The following NCOR2 variants were observed in gnomAD, a reference collection of about 807,000 sequenced individuals.
NCOR2 encodes CTG repeat protein 26.
Under a neutral mutation model 262.9 loss-of-function variants are expected in NCOR2, and 81 were observed. That is an observed-to-expected ratio of 0.31 (90% confidence interval 0.26 to 0.37). NCOR2 has a LOEUF of 0.37. NCOR2 is among the 10% of genes least tolerant of loss of function. The probability of loss-of-function intolerance (pLI) is 1.00; values close to 1 mark genes in which losing one functional copy is unlikely to be tolerated. For synonymous variants in NCOR2, 1,659 were observed against 1,559.3 expected (o/e 1.06, Z -1.51); for missense variants, 3,385 against 3,621.4 (o/e 0.93, Z 1.68).
intron 10 of NCOR2, among the ~76,000 whole-genome samples, chr12:124,427,727 T>G (rs1273026582): frequency 1.3e-5 from 2 of 152,140 alleles, no homozygotes; most frequent in Non-Finnish European, 2.9e-5. Flanking sequence ...ACGGCGACCT[T>G]CCTCGGGTAT....
At chr12:124,328,379 C>T (rs537684580) in intron 44 of NCOR2, among the ~76,000 whole-genome samples, 4 of 152,318 alleles carry the variant, frequency 2.6e-5, no homozygotes, top group Non-Finnish European at 4.4e-5. Flanking sequence ...GACACAATCA[C>T]GGGACCAGCC....
chr12:124,413,429 C>T (rs989481070), intron 13 of NCOR2, among the ~76,000 whole-genome samples: 6 of 152,274 alleles, frequency 3.9e-5, no homozygotes, highest in South Asian at 2.1e-4. Context: ...TAAATGCCCC[C>T]GGATGAACAT....
In NCOR2 at chr12:124,385,184, T is replaced by G. The variant is rs116962897; in HGVS notation, c.2019+561A>C. Among the ~76,000 whole-genome samples the G allele has an allele frequency of 4.2e-3, 644 of 152,268 alleles. 21 individuals carry two copies. In the East Asian group the frequency reaches 0.08, roughly 19 times the overall value. On this transcript the variant is annotated intron_variant, in intron 17 of 46. Transcript: ENST00000405201. ...CACGCTGGCGAGGCGAGCCTGCACCTTCTGTGCTTGTGGAGGAGGGAAGGG... is the reference window on the plus strand; with the variant it reads ...CACGCTGGCGAGGCGAGCCTGCACCGTCTGTGCTTGTGGAGGAGGGAAGGG...
At chr12:124,494,200 C>T (rs1477653726) in intron 1 of NCOR2, among the ~76,000 whole-genome samples, 1 of 151,856 alleles carries the variant, frequency 6.6e-6, no homozygotes, top group African/African-American at 2.4e-5. Flanking sequence ...AAGAGGGGAC[C>T]ACACCAGCCA....
chr12:124,448,028 G>T (rs551155763), intron 7 of NCOR2, among the ~76,000 whole-genome samples: 44 of 152,300 alleles, frequency 2.9e-4, no homozygotes, highest in Non-Finnish European at 4.6e-4. Flanking sequence ...ACTCATTCTG[G>T]TTCTGTCTCC....
intron 11 of NCOR2, 102 bp downstream of exon 13, chr12:124,426,506 GCGGTTTTAAGCACC>G: frequency 1.0e-6 from 1 of 1,001,760 alleles, no homozygotes; most frequent in Non-Finnish European, 1.4e-6. Context: ...GTAAATCCCT[GCGGTTTTAAGCACC>G]CCCCGGCATG....
At position 124,430,888 on chromosome 12, in the gene NCOR2, G is replaced by A. The variant is rs902140930; in HGVS notation, c.883-101C>T. ...TGCAGGCAGACACACAGGTGCGTGC[G>A]CACACACACAAAGTCACACAGGCAC... On this transcript the variant is annotated intron_variant, in intron 8 of 46. Transcript: ENST00000405201. 43 of 1,387,790 alleles carry A rather than the reference G, an allele frequency of 3.1e-5. 1 individual carries two copies. Among genetic ancestry groups the A allele is most frequent in the South Asian group, 1.2e-4 (9 of 72,780 alleles). The allele number at this position is 1,387,790 out of a possible 1,614,324, so 86.0% of individuals were successfully genotyped here.
intron 3 of NCOR2, among the ~76,000 whole-genome samples, chr12:124,476,545 A>C (rs1370007768): frequency 6.6e-6 from 1 of 152,212 alleles, no homozygotes; most frequent in East Asian, 1.9e-4. Context: ...TAATTCTCCA[A>C]AGCAACATTA....
At chr12:124,474,187 C>A (rs2046973760) in intron 3 of NCOR2, among the ~76,000 whole-genome samples, 1 of 152,234 alleles carries the variant, frequency 6.6e-6, no homozygotes, top group African/African-American at 2.4e-5. Flanking sequence ...ATCCATGAAG[C>A]TCAGTCCAAA....
At chr12:124,335,809 G>A (rs2035828914) in intron 38 of NCOR2, 177 bp from the exon 41 acceptor site, 1 of 642,080 alleles carries the variant, frequency 1.6e-6, no homozygotes, top group East Asian at 2.7e-5. Context: ...GGAGAGACAG[G>A]GAGGCCAAGG....
At chr12:124,365,017 G>A (rs943636683) in intron 20 of NCOR2, among the ~76,000 whole-genome samples, 30 of 150,756 alleles carry the variant, frequency 2.0e-4, no homozygotes, top group African/African-American at 6.9e-4. Context: ...CTATGTTTGG[G>A]GGTATGGAGG....
At chr12:124,371,914 T>C in intron 20 of NCOR2, 108 bp downstream of exon 22, 1 of 1,150,452 alleles carries the variant, frequency 8.7e-7, no homozygotes, top group Non-Finnish European at 1.2e-6. Context: ...CACCTCGGGC[T>C]CCCCCAAAGC....
intron 1 of NCOR2, among the ~76,000 whole-genome samples, chr12:124,520,174 G>A (rs1238033044): frequency 2.6e-5 from 4 of 152,182 alleles, no homozygotes; most frequent in East Asian, 1.9e-4. Flanking sequence ...GGGGGTTTCC[G>A]TAGACCTGCC....
Position 124,402,653 on chromosome 12 carries a change from GGGA to G in NCOR2, c.1483-95_1483-93del. 4 of 1,530,422 alleles carry G rather than the reference GGGA, an allele frequency of 2.6e-6. No individual in the cohort carries two copies. In the African/African-American group the frequency reaches 4.1e-5, roughly 16 times the overall value. The allele number at this position is 1,530,422 out of a possible 1,614,324, so 94.8% of individuals were successfully genotyped here. A position where few individuals can be genotyped will look rare whatever the true frequency, so the allele number is the denominator to read the frequency against. On this transcript the variant is annotated intron_variant, in intron 13 of 46. Coordinates refer to ENST00000405201, the Ensembl canonical transcript of NCOR2. ...TGCACCTGGGCTCAGCCTGAGCTGGGGGAGGAGGAGGAAAACCCGTGGAGTCCA... is the reference window on the plus strand; with the variant it reads ...TGCACCTGGGCTCAGCCTGAGCTGGGGGAGGAGGAAAACCCGTGGAGTCCA...
Position 124,398,041 on chromosome 12 carries a change from A to G in NCOR2, c.1876+78T>C, listed in dbSNP as rs571765991. 2.4e-3 allele frequency: 3,792 copies of G among 1,559,090 alleles called. 8 individuals carry two copies. Among genetic ancestry groups the G allele is most frequent in the Non-Finnish European group, 3.1e-3 (3,456 of 1,130,468 alleles). On this transcript the variant is annotated intron_variant, in intron 16 of 46. Coordinates refer to ENST00000405201, the Ensembl canonical transcript of NCOR2. ...CCCCTGGCTCAAGGCCAAATGTGTCAACACCCTCCCCAGCACGTGAGCTTC... is the reference window on the plus strand; with the variant it reads ...CCCCTGGCTCAAGGCCAAATGTGTCGACACCCTCCCCAGCACGTGAGCTTC...
intron 16 of NCOR2, among the ~76,000 whole-genome samples, chr12:124,393,934 C>T (rs569617942): frequency 2.0e-5 from 3 of 152,392 alleles, no homozygotes; most frequent in South Asian, 4.1e-4. Context: ...GCCCCTTCCT[C>T]GGGGTAGCCC....
chr12:124,518,997 C>T (rs1279556736), intron 1 of NCOR2, among the ~76,000 whole-genome samples: 2 of 151,922 alleles, frequency 1.3e-5, no homozygotes, highest in African/African-American at 2.4e-5. Flanking sequence ...TCCTTTTAAT[C>T]CTAGGAAAAG....
At chr12:124,396,981 AC>A (rs1437893175) in intron 16 of NCOR2, among the ~76,000 whole-genome samples, 1 of 152,190 alleles carries the variant, frequency 6.6e-6, no homozygotes, top group African/African-American at 2.4e-5. Context: ...GGGCCACGGG[AC>A]CAAGCACGGG....
At chr12:124,424,234 A>G (rs1417345756) in intron 11 of NCOR2, among the ~76,000 whole-genome samples, 1 of 152,190 alleles carries the variant, frequency 6.6e-6, no homozygotes, top group East Asian at 1.9e-4. Flanking sequence ...AAATACATAC[A>G]CTAAAACATC....
Sources: gnomAD v4.1 joint callset for allele counts (sites outside exome capture counted in the v4.1 genomes callset) on GRCh38, gnomAD v4.1.1 for gene constraint, MANE v1.5 for transcripts, NCBI Gene and HGNC (gene_info 2026-07-23, HGNC 2026-07-21) for gene names.